Variants in SPATA9 observed in about 807,000 individuals in gnomAD.
SPATA9 encodes the protein spermatogenesis-associated protein 9.
SPATA9 carries 27 observed loss-of-function variants against 25.5 expected under a neutral mutation model. The observed-to-expected ratio is 1.06, with a 90% CI of 0.78 to 1.46. The LOEUF is 1.46. Ranked by LOEUF, SPATA9 falls within the 40% of genes most tolerant of loss-of-function variation. SPATA9 has a pLI of 0.00. For missense variants in SPATA9, 282 were observed against 297.5 expected, an observed-to-expected ratio of 0.95 and a Z score of 0.38; for synonymous variants, 102 against 105.7, an observed-to-expected ratio of 0.97 and a Z score of 0.21.
intron 1 of SPATA9, among the ~76,000 whole-genome samples, chr5:95,692,340 T>G (rs968055477): frequency 6.6e-6 from 1 of 152,160 alleles, no homozygotes; most frequent in Non-Finnish European, 1.5e-5. Context: ...TAGAAGCTAG[T>G]ATCACCAAGT....
chr5:95,672,455 G>GTT (rs35342619), intron 3 of SPATA9, among the ~76,000 whole-genome samples: 4,699 of 143,082 alleles, frequency 0.033, 88 homozygotes, highest in Middle Eastern at 0.068. Flanking sequence ...GCCAAAAGAG[G>GTT]TTTTTTTTTT....
intron 4 of SPATA9, chr5:95,659,395 A>G (rs1355481555): frequency 6.5e-6 from 1 of 154,324 alleles, no homozygotes; most frequent in African/African-American, 2.4e-5. Context: ...TATGTGATCC[A>G]CTGTCCCCTC....
At chr5:95,698,650 G>C (rs1460035729) in exon 1 of SPATA9, 2 of 152,162 alleles carry the variant, frequency 1.3e-5, no homozygotes, top group African/African-American at 4.8e-5. Context: ...AGGGAGGAGA[G>C]CTGAGGAGAG....
chr5:95,718,827 C>G, the SPATA9 span, among the ~76,000 whole-genome samples: 1 of 152,078 alleles, frequency 6.6e-6, no homozygotes, highest in Non-Finnish European at 1.5e-5. Context: ...CAGAAGAGGT[C>G]TAGCAGAGAG....
chr5:95,688,564 A>C (rs1753804289), intron 1 of SPATA9, among the ~76,000 whole-genome samples: 1 of 152,190 alleles, frequency 6.6e-6, no homozygotes, highest in Middle Eastern at 3.2e-3. Context: ...CATGCATTTT[A>C]CGCAATGTAG....
At chr5:95,697,689 CG>C (rs1442401673) in intron 1 of SPATA9, among the ~76,000 whole-genome samples, 8 of 152,150 alleles carry the variant, frequency 5.3e-5, no homozygotes, top group Non-Finnish European at 7.3e-5. Context: ...CAAGTTTTCC[CG>C]AGTTCTAATT....
At chr5:95,662,197 A>T (rs1050097860) in intron 4 of SPATA9, among the ~76,000 whole-genome samples, 2 of 152,138 alleles carry the variant, frequency 1.3e-5, no homozygotes, top group Non-Finnish European at 2.9e-5. Flanking sequence ...TTAAAGAAAA[A>T]ATAGATTAAT....
intron 3 of SPATA9, among the ~76,000 whole-genome samples, chr5:95,668,389 C>T (rs773484085): frequency 8.5e-5 from 13 of 152,138 alleles, no homozygotes; most frequent in Admixed American, 3.3e-4. Flanking sequence ...ATATGTGGCT[C>T]CTGGCAAGTA....
the SPATA9 span, among the ~76,000 whole-genome samples, chr5:95,709,952 C>A: frequency 2.0e-5 from 3 of 152,120 alleles, no homozygotes; most frequent in African/African-American, 4.8e-5. Flanking sequence ...AGGTGAGTAG[C>A]CTGCGCTCCT....
At chr5:95,724,443 T>C in the SPATA9 span, among the ~76,000 whole-genome samples, 2 of 152,228 alleles carry the variant, frequency 1.3e-5, no homozygotes, top group African/African-American at 4.8e-5. Flanking sequence ...GAAAATTCTA[T>C]AAGATAGAAG....
At chr5:95,731,988 GA>G in the SPATA9 span, 1 of 1,614,184 alleles carries the variant, frequency 6.2e-7, no homozygotes. Context: ...GCTTGTTGCT[GA>G]ACGCGGCCAG....
chr5:95,661,413 G>T (rs1226363861), intron 4 of SPATA9, among the ~76,000 whole-genome samples: 2 of 152,008 alleles, frequency 1.3e-5, no homozygotes, highest in African/African-American at 4.8e-5. Flanking sequence ...CCAGGCCTTA[G>T]ATACATATAT....
intron 3 of SPATA9, among the ~76,000 whole-genome samples, chr5:95,675,187 T>C (rs1307775388): frequency 1.3e-5 from 2 of 152,168 alleles, no homozygotes; most frequent in Non-Finnish European, 2.9e-5. Context: ...TATATTTAAG[T>C]TGCACCATTT....
downstream of SPATA9, chr5:95,657,748 A>C (rs1350474651): frequency 6.6e-6 from 1 of 152,294 alleles, no homozygotes; most frequent in South Asian, 2.1e-4. Context: ...CCAACGAACC[A>C]GACTTGGGCT....
downstream of SPATA9, chr5:95,656,069 A>G (rs1443464636): frequency 6.2e-7 from 1 of 1,613,566 alleles, no homozygotes; most frequent in Admixed American, 1.7e-5. Flanking sequence ...GACCGTGTAT[A>G]GTTTGCCCCT....
intron 1 of SPATA9, among the ~76,000 whole-genome samples, chr5:95,697,243 G>A (rs554115584): frequency 3.5e-4 from 53 of 152,232 alleles, no homozygotes; most frequent in Non-Finnish European, 2.6e-4. Flanking sequence ...CCAATTCCAA[G>A]CTCACTCGTG....
chr5:95,723,130 A>G, the SPATA9 span, among the ~76,000 whole-genome samples: 3 of 152,294 alleles, frequency 2.0e-5, no homozygotes, highest in East Asian at 5.8e-4. Flanking sequence ...AAGAAAAAGA[A>G]TTGTCTTGGG....
chr5:95,704,258 T>C, the SPATA9 span, among the ~76,000 whole-genome samples: 5 of 152,220 alleles, frequency 3.3e-5, no homozygotes, highest in East Asian at 1.9e-4. Context: ...AATTCTTTCA[T>C]TGGAAAAATA....
At chr5:95,693,919 G>A (rs896277236) in intron 1 of SPATA9, among the ~76,000 whole-genome samples, 3 of 152,116 alleles carry the variant, frequency 2.0e-5, no homozygotes, top group African/African-American at 7.2e-5. Context: ...CCAGAACTTT[G>A]GGAGGCCAAG....
Sources: gnomAD v4.1 joint callset for allele counts (sites outside exome capture counted in the v4.1 genomes callset) on GRCh38, gnomAD v4.1.1 for gene constraint, MANE v1.5 for transcripts, NCBI Gene and HGNC (gene_info 2026-07-23, HGNC 2026-07-21) for gene names.